RPH3AL: variants seen among roughly 807,000 people sequenced by gnomAD.
RPH3AL encodes the protein rab effector Noc2.
In RPH3AL, 38 loss-of-function variants were observed where a neutral mutation model predicts 43.1. That is an observed-to-expected ratio of 0.88 (90% CI 0.68 to 1.15). The LOEUF (loss-of-function observed/expected upper bound fraction) is 1.15, where lower values mean the gene tolerates loss of function less well. Ranked by LOEUF, RPH3AL falls within the 50% of genes most tolerant of loss-of-function variation. The pLI is 0.00. For synonymous variants in RPH3AL, 189 were observed against 176.3 expected (o/e 1.07, Z -0.57); for missense variants, 462 against 423.2 (o/e 1.09, Z -0.81).
chr17:341,124 T>C (rs1423589981), intron 1 of RPH3AL: 8 of 76,148 alleles, frequency 1.1e-4, no homozygotes, highest in Admixed American at 1.5e-4. Context: ...TCACTGCCCC[T>C]GCCCAGGTCT....
At position 213,143 on chromosome 17, in the gene RPH3AL, A is replaced by T. The variant is rs1243948515; in HGVS notation, c.*709T>A. 6.6e-6 allele frequency: 1 copy of T among 152,546 alleles called. No homozygotes were observed. The highest frequency in any genetic ancestry group is 1.5e-5 in the Non-Finnish European group (1 of 68,368). The allele number at this position is 152,546 out of a possible 1,614,324, so 9.4% of individuals were successfully genotyped here. ...GTGGCGGGCATCTGTAATCCCACCTACTCAGGAGGCTGAGGTGAGAGAATC... is the reference window on the plus strand; with the variant it reads ...GTGGCGGGCATCTGTAATCCCACCTTCTCAGGAGGCTGAGGTGAGAGAATC... On this transcript the variant is annotated 3_prime_UTR_variant, in exon 10 of 10. Transcript: ENST00000331302.
intron 2 of RPH3AL, among the ~76,000 whole-genome samples, chr17:330,307 C>A (rs1598145542): frequency 6.6e-6 from 1 of 152,252 alleles, no homozygotes; most frequent in African/African-American, 2.4e-5. Context: ...AGCCCCAGAC[C>A]CCAAACAGCC....
rs566857876 is a variant in RPH3AL, at chr17:213,781, G to A, written c.*71C>T. ...GGTGTCTGGTGAGGGCACAAGGACC[G>A]GTCAGGGAGGAGCCGGGCAGGGTCT... On this transcript the variant is annotated 3_prime_UTR_variant, in exon 10 of 10. Transcript: ENST00000331302. The A allele has an allele frequency of 8.5e-5, 108 of 1,274,828 alleles. No individual in the cohort carries two copies. Among genetic ancestry groups the A allele is most frequent in the Middle Eastern group, 2.5e-4 (1 of 4,074 alleles). 79.0% of individuals were successfully genotyped at this position (1,274,828 alleles called of 1,614,324 possible).
intron 6 of RPH3AL, among the ~76,000 whole-genome samples, chr17:260,853 G>A (rs1023829029): frequency 8.6e-5 from 13 of 151,998 alleles, no homozygotes; most frequent in African/African-American, 3.1e-4. Context: ...TGCTCTCACC[G>A]CCTTGACCAC....
At chr17:266,377 G>A (rs1354888404) in intron 6 of RPH3AL, among the ~76,000 whole-genome samples, 2 of 151,934 alleles carry the variant, frequency 1.3e-5, no homozygotes, top group African/African-American at 2.4e-5. Flanking sequence ...CTCAACTCCA[G>A]TGGGAGTGCA....
chr17:341,736 CG>C (rs1567538979), intron 1 of RPH3AL, among the ~76,000 whole-genome samples: 1 of 152,078 alleles, frequency 6.6e-6, no homozygotes, highest in Admixed American at 6.6e-5. Context: ...TTTTTTGAGA[CG>C]GGGTAATGCC....
At chr17:310,876 C>G (rs1450220894) in intron 5 of RPH3AL, among the ~76,000 whole-genome samples, 7 of 152,150 alleles carry the variant, frequency 4.6e-5, no homozygotes, top group African/African-American at 1.7e-4. Flanking sequence ...CTCCCTGATT[C>G]TCCAGCGACT....
Position 290,032 on chromosome 17 carries a change from T to C in RPH3AL, c.352-8178A>G, listed in dbSNP as rs2043011628. 6.6e-6 allele frequency among the ~76,000 whole-genome samples: 1 copy of C among 152,248 alleles called. No homozygotes were observed. The highest frequency in any genetic ancestry group is 1.5e-5 in the Non-Finnish European group (1 of 68,054). On this transcript the variant is annotated intron_variant, in intron 5 of 9. Coordinates refer to ENST00000331302, the MANE Select transcript of RPH3AL (RefSeq NM_006987.4). This position sits in a 1 kb window ranked among gnomAD's most constrained non-coding sequence, Gnocchi z 4.2. ...TATTTCTGTTCACCCTCCTGCTCCC[T>C]GTGCCCGGCACAGTGACTATTTGCA... is the stretch of plus-strand genomic sequence containing the variant.
At chr17:308,371 T>C (rs1419449798) in intron 5 of RPH3AL, among the ~76,000 whole-genome samples, 1 of 152,196 alleles carries the variant, frequency 6.6e-6, no homozygotes, top group Non-Finnish European at 1.5e-5. Flanking sequence ...ATGGTGCAGC[T>C]GCCACGGAAA....
chr17:332,845 G>C, intron 2 of RPH3AL: 2 of 429,420 alleles, frequency 4.7e-6, no homozygotes, highest in Non-Finnish European at 8.1e-6. Flanking sequence ...ACGCTGAGCA[G>C]AGGCAGCACT....
intron 5 of RPH3AL, among the ~76,000 whole-genome samples, chr17:297,037 C>A (rs1321833328): frequency 6.6e-6 from 1 of 152,142 alleles, no homozygotes; most frequent in South Asian, 2.1e-4. Context: ...CCATAGCCAC[C>A]CCTCTGCGGA....
chr17:314,908 C>G (rs866975700), intron 5 of RPH3AL, among the ~76,000 whole-genome samples: 1 of 120,954 alleles, frequency 8.3e-6, no homozygotes, highest in South Asian at 2.6e-4. Context: ...CCTCCATTGA[C>G]CAGTAGTCCC....
chr17:310,913 G>C (rs2043629022), intron 5 of RPH3AL, among the ~76,000 whole-genome samples: 1 of 152,040 alleles, frequency 6.6e-6, no homozygotes, highest in South Asian at 2.1e-4. Flanking sequence ...ACCCCCTACA[G>C]CAGGGCCCCC....
chr17:301,721 G>A (rs1451270745), intron 5 of RPH3AL, among the ~76,000 whole-genome samples: 1 of 152,102 alleles, frequency 6.6e-6, no homozygotes. Flanking sequence ...TTACAGGTGT[G>A]ACCCACCGCG....
chr17:258,281 C>T (rs888247400), intron 6 of RPH3AL, among the ~76,000 whole-genome samples: 3 of 152,210 alleles, frequency 2.0e-5, no homozygotes, highest in East Asian at 3.8e-4. Context: ...TCCTAGCACA[C>T]GCCTCACACA....
rs2042033542 is a variant in RPH3AL, at chr17:255,843, TG to T, written c.439-8559del. Among the ~76,000 whole-genome samples, 96 of 52,108 alleles carry T rather than the reference TG, an allele frequency of 1.8e-3. 22 individuals carry two copies. Among genetic ancestry groups the T allele is most frequent in the African/African-American group, 3.9e-3 (57 of 14,690 alleles). 34.2% of individuals were successfully genotyped at this position (52,108 alleles called of 152,430 possible). On this transcript the variant is annotated intron_variant, in intron 6 of 9. Transcript: ENST00000331302. ...ACGTGACTACCCTACGTACTTCCTA[TG>T]AGGGGAGCCGCACGGCGTCTGTCCT...
At chr17:235,423 C>G (rs374570046) in intron 7 of RPH3AL, among the ~76,000 whole-genome samples, 3,576 of 77,116 alleles carry the variant, frequency 0.046, 94 homozygotes, top group African/African-American at 0.052. Context: ...TGGGGTCGGC[C>G]GAGGCTCTGC....
At chr17:350,955 G>A (rs1327553389) in intron 1 of RPH3AL, among the ~76,000 whole-genome samples, 2 of 152,126 alleles carry the variant, frequency 1.3e-5, no homozygotes, top group African/African-American at 4.8e-5. Context: ...TCCATGATAG[G>A]CCAGGAGACT....
chr17:297,742 C>T (rs2043217654), intron 5 of RPH3AL, among the ~76,000 whole-genome samples: 1 of 152,228 alleles, frequency 6.6e-6, no homozygotes, highest in East Asian at 1.9e-4. Context: ...GGTGAGGCAG[C>T]AGCCTCGGTC....
Sources: allele counts gnomAD v4.1 joint callset (sites outside exome capture counted in the v4.1 genomes callset), GRCh38; gene constraint gnomAD v4.1.1; non-coding constraint Gnocchi (gnomAD v3.1); transcripts MANE v1.5; gene names NCBI Gene and HGNC (gene_info 2026-07-23, HGNC 2026-07-21).